CDK6: variants seen among roughly 807,000 people sequenced by gnomAD.
CDK6 encodes cyclin-dependent kinase 6.
Under a neutral mutation model 37.1 loss-of-function variants are expected in CDK6, and 6 were observed. The observed-to-expected ratio is 0.16, with a 90% CI of 0.09 to 0.32. The LOEUF is 0.32. Among genes scored for constraint, CDK6 ranks in the 10% least tolerant of loss-of-function variants. The probability of loss-of-function intolerance (pLI) is 1.00; values close to 1 mark genes in which losing one functional copy is unlikely to be tolerated. For missense variants in CDK6, 224 were observed against 418.9 expected, an observed-to-expected ratio of 0.53 and a Z score of 4.06; for synonymous variants, 160 against 161.3, an observed-to-expected ratio of 0.99 and a Z score of 0.06.
At chr7:92,792,884 C>T (rs999954157) in intron 2 of CDK6, among the ~76,000 whole-genome samples, 2 of 151,500 alleles carry the variant, frequency 1.3e-5, no homozygotes, top group Admixed American at 6.6e-5. Context: ...CCAGATGAGA[C>T]GGAATCTTGG....
chr7:92,757,465 T>C (rs983656848), intron 3 of CDK6, among the ~76,000 whole-genome samples: 27 of 152,224 alleles, frequency 1.8e-4, no homozygotes, highest in South Asian at 2.1e-4. Flanking sequence ...CTATCCATGT[T>C]CCTGCAAAAT....
chr7:92,661,151 T>G (rs1562927934), intron 5 of CDK6, among the ~76,000 whole-genome samples: 1 of 152,112 alleles, frequency 6.6e-6, no homozygotes, highest in East Asian at 1.9e-4. Flanking sequence ...GGCTCCTGGA[T>G]GCAATGATGA....
intron 4 of CDK6, among the ~76,000 whole-genome samples, chr7:92,687,870 G>C (rs1797499254): frequency 6.6e-6 from 1 of 152,040 alleles, no homozygotes; most frequent in African/African-American, 2.4e-5. Context: ...GCTGCTCCTT[G>C]AATTTCATAT....
At chr7:92,692,188 C>A (rs547093374) in intron 4 of CDK6, among the ~76,000 whole-genome samples, 28 of 152,154 alleles carry the variant, frequency 1.8e-4, no homozygotes, top group African/African-American at 6.3e-4. Flanking sequence ...ATTGCTTGAA[C>A]CCAGGAGGCA....
chr7:92,615,063 G>T lies in CDK6; in HGVS notation c.*77C>A, dbSNP rs1585336956. 5 of 1,497,724 alleles carry T rather than the reference G, an allele frequency of 3.3e-6. No individual in the cohort carries two copies. The highest frequency in any genetic ancestry group is 2.3e-5 in the East Asian group (1 of 43,908). The allele number at this position is 1,497,724 out of a possible 1,614,324, so 92.8% of individuals were successfully genotyped here. On this transcript the variant is annotated 3_prime_UTR_variant, in exon 8 of 8. Transcript: ENST00000424848. ...CCAGATAGCAATCCTCCACAGCTCT[G>T]TAGGGCTTGCTGAGGGGGACCCATA...
chr7:92,704,792 G>T (rs964789944), intron 4 of CDK6, among the ~76,000 whole-genome samples: 1 of 152,198 alleles, frequency 6.6e-6, no homozygotes, highest in Non-Finnish European at 1.5e-5. Context: ...ATGCTGCAGA[G>T]TATTCCTGAA....
At chr7:92,706,201 C>T (rs549982579) in intron 4 of CDK6, among the ~76,000 whole-genome samples, 3 of 152,170 alleles carry the variant, frequency 2.0e-5, no homozygotes, top group Non-Finnish European at 4.4e-5. Context: ...AGGAAGTGAT[C>T]GGTGGAATAC....
At chr7:92,707,562 A>G (rs1797995599) in intron 4 of CDK6, among the ~76,000 whole-genome samples, 1 of 152,236 alleles carries the variant, frequency 6.6e-6, no homozygotes, top group Admixed American at 6.5e-5. Context: ...GAAGGAAGTG[A>G]GAAACAAGGG....
chr7:92,690,704 G>A (rs1442766796), intron 4 of CDK6, among the ~76,000 whole-genome samples: 1 of 152,188 alleles, frequency 6.6e-6, no homozygotes, highest in African/African-American at 2.4e-5. Context: ...GACAACGTAT[G>A]GGGTTGAGCA....
intron 4 of CDK6, among the ~76,000 whole-genome samples, chr7:92,681,655 G>T (rs1447465866): frequency 1.3e-5 from 2 of 152,218 alleles, no homozygotes; most frequent in Non-Finnish European, 2.9e-5. Context: ...GTACAACTGG[G>T]TTGGAGGGAG....
intron 5 of CDK6, among the ~76,000 whole-genome samples, chr7:92,628,624 C>T (rs1188904626): frequency 6.6e-6 from 1 of 152,080 alleles, no homozygotes; most frequent in Non-Finnish European, 1.5e-5. Flanking sequence ...CTTGGTTCAT[C>T]TCTGGGTAAT....
chr7:92,682,508 C>T (rs534941798), intron 4 of CDK6, among the ~76,000 whole-genome samples: 1 of 152,310 alleles, frequency 6.6e-6, no homozygotes, highest in African/African-American at 2.4e-5. Context: ...ACTTACATTG[C>T]ATCTCAATCA....
intron 2 of CDK6, among the ~76,000 whole-genome samples, chr7:92,775,794 T>C (rs1799834303): frequency 6.6e-6 from 1 of 151,044 alleles, no homozygotes; most frequent in Non-Finnish European, 1.5e-5. Flanking sequence ...TTCATATTAC[T>C]TTAATTTTTA....
At chr7:92,724,037 A>G (rs770080133) in intron 4 of CDK6, among the ~76,000 whole-genome samples, 17 of 152,090 alleles carry the variant, frequency 1.1e-4, no homozygotes, top group Non-Finnish European at 2.2e-4. Flanking sequence ...CCTTCCTTCA[A>G]TTAACGTACC....
chr7:92,629,781 G>C (rs1467760134), intron 5 of CDK6, among the ~76,000 whole-genome samples: 1 of 152,066 alleles, frequency 6.6e-6, no homozygotes, highest in Non-Finnish European at 1.5e-5. Context: ...TTAAACAACA[G>C]AAATTAATTT....
chr7:92,636,858 T>A (rs886099411), intron 5 of CDK6, among the ~76,000 whole-genome samples: 10 of 151,904 alleles, frequency 6.6e-5, no homozygotes, highest in South Asian at 2.1e-4. Context: ...GGAGATGGGG[T>A]TTTGCCATGT....
intron 5 of CDK6, among the ~76,000 whole-genome samples, chr7:92,642,087 T>C (rs1796321570): frequency 6.6e-6 from 1 of 152,078 alleles, no homozygotes; most frequent in African/African-American, 2.4e-5. Flanking sequence ...AGAGTAAGAC[T>C]CTGAGAGCCT....
chr7:92,621,099 A>C (rs1205487994), intron 6 of CDK6, among the ~76,000 whole-genome samples: 1 of 152,244 alleles, frequency 6.6e-6, no homozygotes, highest in African/African-American at 2.4e-5. Flanking sequence ...TTATATTGGC[A>C]AGCCCAACAG....
At chr7:92,672,184 G>GACACACAC (rs1175195840) in intron 4 of CDK6, among the ~76,000 whole-genome samples, 1,719 of 44,046 alleles carry the variant, frequency 0.039, 136 homozygotes, top group Non-Finnish European at 0.047. Flanking sequence ...CACACACACA[G>GACACACAC]ACACATACAC....
Sources: allele counts gnomAD v4.1 joint callset (sites outside exome capture counted in the v4.1 genomes callset), GRCh38; gene constraint gnomAD v4.1.1; transcripts MANE v1.5; gene names NCBI Gene and HGNC (gene_info 2026-07-23, HGNC 2026-07-21).